CECR2: variants seen among roughly 807,000 people sequenced by gnomAD.
The protein encoded by CECR2 is CECR2 histone acetyl-lysine reader.
A neutral mutation model predicts 154.5 loss-of-function variants in CECR2; 30 were observed. The observed-to-expected ratio is 0.19, with a 90% CI of 0.15 to 0.26. The LOEUF is 0.26. Ranked by LOEUF, CECR2 falls within the 10% of genes least tolerant of loss-of-function variation. CECR2 has a pLI of 1.00. For missense variants in CECR2, 1,743 were observed against 1,829.3 expected, an observed-to-expected ratio of 0.95 and a Z score of 0.86; for synonymous variants, 725 against 683.7, an observed-to-expected ratio of 1.06 and a Z score of -0.94.
chr22:17,532,812 G>A (rs1044860825), intron 9 of CECR2, among the ~76,000 whole-genome samples: 12 of 128,234 alleles, frequency 9.4e-5, no homozygotes, highest in Admixed American at 9.8e-5. Flanking sequence ...CCGCCTCCCG[G>A]GTTCAAATAA....
rs906296690 is a variant in CECR2, at chr22:17,555,850, A to C, written c.*3010A>C. The C allele has an allele frequency of 3.9e-5, 6 of 152,118 alleles. No individual in the cohort carries two copies. Among genetic ancestry groups the C allele is most frequent in the Non-Finnish European group, 8.8e-5 (6 of 68,026 alleles). 9.4% of individuals were successfully genotyped at this position (152,118 alleles called of 1,614,324 possible). A position where few individuals can be genotyped will look rare whatever the true frequency, so the allele number is the denominator to read the frequency against. On this transcript the variant is annotated 3_prime_UTR_variant, in exon 19 of 19. Transcript: ENST00000262608. ...GATAGCTGAGATCGTGGAGAATGGG[A>C]AATACCATTGCATCTCTTTGATTTA...
chr22:17,418,482 A>C (rs1045285940), intron 1 of CECR2, among the ~76,000 whole-genome samples: 12 of 151,518 alleles, frequency 7.9e-5, no homozygotes, highest in Non-Finnish European at 1.5e-4. Flanking sequence ...TCAGAAACCA[A>C]CTCCCTTTTA....
chr22:17,469,986 A>G (rs2146766388), intron 1 of CECR2, among the ~76,000 whole-genome samples: 1 of 152,244 alleles, frequency 6.6e-6, no homozygotes. Flanking sequence ...CCCAGCACAT[A>G]ACAGAGCCTG....
intron 1 of CECR2, among the ~76,000 whole-genome samples, chr22:17,414,811 G>C (rs1460930294): frequency 6.6e-6 from 1 of 152,118 alleles, no homozygotes; most frequent in Non-Finnish European, 1.5e-5. Context: ...GGCGTTAGGG[G>C]CAGTGGGAGT....
intron 1 of CECR2, among the ~76,000 whole-genome samples, chr22:17,458,399 G>C (rs912964086): frequency 6.8e-6 from 1 of 147,746 alleles, no homozygotes; most frequent in African/African-American, 2.5e-5. Flanking sequence ...GGGCGACAGA[G>C]CAAGTCTCTG....
chr22:17,497,703 G>C, intron 3 of CECR2, 117 bp downstream of exon 3: 1 of 953,964 alleles, frequency 1.0e-6, no homozygotes, highest in Non-Finnish European at 1.6e-6. Flanking sequence ...TACTAGTCTT[G>C]GTACTATTCA....
intron 1 of CECR2, among the ~76,000 whole-genome samples, chr22:17,463,848 C>G (rs1428408769): frequency 9.9e-5 from 15 of 151,852 alleles, no homozygotes; most frequent in Admixed American, 2.6e-4. Flanking sequence ...GAAAGGGAAG[C>G]AAGAGCAGGG....
At chr22:17,510,138 A>G (rs1334303656) in intron 7 of CECR2, among the ~76,000 whole-genome samples, 1 of 152,210 alleles carries the variant, frequency 6.6e-6, no homozygotes, top group East Asian at 1.9e-4. Context: ...GTGCGTAGGG[A>G]AACATTCACG....
At chr22:17,469,871 G>A (rs868596623) in intron 1 of CECR2, among the ~76,000 whole-genome samples, 2 of 152,152 alleles carry the variant, frequency 1.3e-5, no homozygotes, top group Non-Finnish European at 2.9e-5. Flanking sequence ...TGCCTCTGCC[G>A]TGGCGTCCAT....
chr22:17,540,371 G>A, intron 13 of CECR2, 41 bp from the exon 14 acceptor site: 1 of 1,451,712 alleles, frequency 6.9e-7, no homozygotes, highest in East Asian at 2.4e-5. Flanking sequence ...AACAATTTCT[G>A]TAAACTATAC....
At chr22:17,478,541 G>A (rs1013130779) in intron 2 of CECR2, among the ~76,000 whole-genome samples, 3 of 151,866 alleles carry the variant, frequency 2.0e-5, no homozygotes, top group Non-Finnish European at 4.4e-5. Context: ...ATTTTTAGTG[G>A]AAATGGGGTT....
intron 2 of CECR2, among the ~76,000 whole-genome samples, chr22:17,486,461 G>A (rs145916667): frequency 3.0e-4 from 45 of 152,310 alleles, no homozygotes; most frequent in African/African-American, 7.5e-4. Flanking sequence ...CACTGGGGGC[G>A]TGTCAGTCAC....
At chr22:17,486,384 C>T (rs759899089) in intron 2 of CECR2, among the ~76,000 whole-genome samples, 4 of 152,198 alleles carry the variant, frequency 2.6e-5, no homozygotes, top group African/African-American at 4.8e-5. Context: ...GGGTGTAAGG[C>T]GTGGGGCTGG....
At chr22:17,472,331 G>T (rs2055141000) in intron 1 of CECR2, among the ~76,000 whole-genome samples, 1 of 152,170 alleles carries the variant, frequency 6.6e-6, no homozygotes, top group African/African-American at 2.4e-5. Context: ...GAGCCTTCTG[G>T]AGGCCAGTGT....
At chr22:17,478,143 CAAAT>C (rs941249823) in intron 2 of CECR2, among the ~76,000 whole-genome samples, 1 of 151,858 alleles carries the variant, frequency 6.6e-6, no homozygotes. Flanking sequence ...TGTATGGAGA[CAAAT>C]AAAGGAGAGT....
chr22:17,378,109 G>A (rs908206002), intron 1 of CECR2, among the ~76,000 whole-genome samples: 2 of 151,060 alleles, frequency 1.3e-5, no homozygotes, highest in African/African-American at 2.4e-5. Flanking sequence ...TCAGCCTCCT[G>A]AGTAGCTGGG....
Position 17,504,395 on chromosome 22 carries a change from A to C in CECR2, c.701-452A>C, listed in dbSNP as rs1220519478. ...GTCTCAAAAAAAATAAAATTAAGTA[A>C]TAGGTCTCTTTTTTGAGTTCCTTAT... On this transcript the variant is annotated intron_variant, in intron 6 of 18. Coordinates refer to ENST00000262608, the MANE Select transcript of CECR2 (RefSeq NM_001290047.2). Among the ~76,000 whole-genome samples, 4 of 151,668 alleles carry C rather than the reference A, an allele frequency of 2.6e-5. No homozygotes were observed. The East Asian group carries it at 7.7e-4, about 29-fold the overall frequency.
chr22:17,467,029 G>A (rs915710645), intron 1 of CECR2, among the ~76,000 whole-genome samples: 1 of 152,046 alleles, frequency 6.6e-6, no homozygotes, highest in Non-Finnish European at 1.5e-5. Context: ...TCGGGGGAGT[G>A]TTCATAAAGT....
At chr22:17,385,946 C>T (rs913180852) in intron 1 of CECR2, among the ~76,000 whole-genome samples, 2 of 152,138 alleles carry the variant, frequency 1.3e-5, no homozygotes, top group South Asian at 2.1e-4. Flanking sequence ...ATGAAGGTTG[C>T]GTCGCTTAGG....
Sources: allele counts gnomAD v4.1 joint callset (sites outside exome capture counted in the v4.1 genomes callset), GRCh38; gene constraint gnomAD v4.1.1; transcripts MANE v1.5; gene names NCBI Gene and HGNC (gene_info 2026-07-23, HGNC 2026-07-21).